The following FBXO11 variants were observed in gnomAD, a reference collection of about 807,000 sequenced individuals.
FBXO11 encodes the protein F-box protein 11, also known as F-box only protein 11.
A neutral mutation model predicts 117.0 loss-of-function variants in FBXO11; 13 were observed. That is an observed-to-expected ratio of 0.11 (90% CI 0.07 to 0.18). The LOEUF (loss-of-function observed/expected upper bound fraction) is 0.18. Among genes scored for constraint, FBXO11 ranks in the 10% least tolerant of loss-of-function variants. FBXO11 has a pLI of 1.00. For missense variants in FBXO11, 767 were observed against 1,164.4 expected (o/e 0.66, Z 4.97); for synonymous variants, 490 against 380.5 (o/e 1.29, Z -3.35).
At chr2:47,875,294 G>C (rs1675916979) in intron 1 of FBXO11, among the ~76,000 whole-genome samples, 1 of 152,074 alleles carries the variant, frequency 6.6e-6, no homozygotes, top group African/African-American at 2.4e-5. Context: ...GTCACATGTG[G>C]CAAGTGGCTA....
intron 1 of FBXO11, among the ~76,000 whole-genome samples, chr2:47,854,501 A>T (rs950951359): frequency 2.6e-5 from 4 of 151,914 alleles, no homozygotes; most frequent in African/African-American, 7.2e-5. Context: ...GAATAAAATA[A>T]AAATAAATAA....
At chr2:47,891,229 T>C (rs1677239749) in intron 1 of FBXO11, among the ~76,000 whole-genome samples, 1 of 152,188 alleles carries the variant, frequency 6.6e-6, no homozygotes, top group Admixed American at 6.6e-5. Context: ...TGGCGGAACT[T>C]ATTCATCCTG....
intron 1 of FBXO11, among the ~76,000 whole-genome samples, chr2:47,867,745 CATT>C (rs1299935603): frequency 6.6e-6 from 1 of 152,136 alleles, no homozygotes; most frequent in Admixed American, 6.6e-5. Flanking sequence ...AACTGACACA[CATT>C]ATCTGCATAT....
chr2:47,901,560 C>G (rs976111489), intron 1 of FBXO11, among the ~76,000 whole-genome samples: 5 of 152,052 alleles, frequency 3.3e-5, no homozygotes, highest in Admixed American at 1.3e-4. Flanking sequence ...GAATTTTAAA[C>G]TGTGGCAATA....
intron 4 of FBXO11, among the ~76,000 whole-genome samples, chr2:47,838,504 A>T (rs1000228757): frequency 6.7e-6 from 1 of 148,424 alleles, no homozygotes; most frequent in Non-Finnish European, 1.5e-5. Flanking sequence ...TCATGAATAC[A>T]ACTGTTTTCC....
intron 16 of FBXO11, among the ~76,000 whole-genome samples, chr2:47,816,835 T>C (rs80136244): frequency 0.056 from 8,500 of 152,256 alleles, 252 homozygotes; most frequent in Non-Finnish European, 0.069. Flanking sequence ...TCATGTGCTA[T>C]CATCCATGAT....
chr2:47,882,868 C>G (rs1407628608), intron 1 of FBXO11, among the ~76,000 whole-genome samples: 2 of 152,152 alleles, frequency 1.3e-5, no homozygotes, highest in Admixed American at 1.3e-4. Context: ...AGGCTGGTCT[C>G]AAACTCCTGA....
intron 1 of FBXO11, among the ~76,000 whole-genome samples, chr2:47,891,416 A>G (rs907814335): frequency 1.3e-5 from 2 of 152,228 alleles, no homozygotes; most frequent in Admixed American, 6.5e-5. Flanking sequence ...CATTTAGCAT[A>G]ATGTCCTCAA....
intron 1 of FBXO11, among the ~76,000 whole-genome samples, chr2:47,874,195 T>C (rs368713054): frequency 3.5e-4 from 54 of 152,224 alleles, no homozygotes; most frequent in African/African-American, 5.5e-4. Flanking sequence ...GTCCGGACGA[T>C]AGTGCGAGAC....
chr2:47,887,694 T>C (rs1676966965), intron 1 of FBXO11, among the ~76,000 whole-genome samples: 1 of 151,822 alleles, frequency 6.6e-6, no homozygotes, highest in African/African-American at 2.4e-5. Flanking sequence ...AATCTCGTCT[T>C]TACAAAAAAT....
intron 11 of FBXO11, among the ~76,000 whole-genome samples, chr2:47,825,272 AC>A (rs1406574793): frequency 5.3e-5 from 8 of 152,196 alleles, no homozygotes; most frequent in Non-Finnish European, 7.4e-5. Flanking sequence ...TTGGATTATA[AC>A]CTTATTCTTT....
chr2:47,827,023 T>C (rs747790034), intron 11 of FBXO11, among the ~76,000 whole-genome samples: 51 of 152,240 alleles, frequency 3.3e-4, no homozygotes, highest in Admixed American at 2.6e-3. Context: ...ATTTACCACA[T>C]TGTATTAATA....
rs771490235 is a variant in FBXO11, at chr2:47,832,788, G to T, written c.1134C>A (p.Ile378=). The T allele has an allele frequency of 3.1e-6, 5 of 1,612,872 alleles. No homozygotes were observed. Among genetic ancestry groups the T allele is most frequent in the Admixed American group, 3.3e-5 (2 of 60,016 alleles). Residue 378 remains isoleucine (I), a synonymous_variant, in exon 9 of 23, where the codon ATC becomes ATA. Transcript: ENST00000403359. ...VNCSPIIDHC[I]IRSTCTVGSA... The stretch of plus-strand genomic sequence containing the variant: ...ACTAACCTGTACATGTACTTCGGAT[G>T]ATACAGTGATCAATAATAGGGCTAC...
intron 1 of FBXO11, among the ~76,000 whole-genome samples, chr2:47,863,766 C>A (rs947042804): frequency 2.6e-5 from 4 of 152,066 alleles, no homozygotes; most frequent in Non-Finnish European, 5.9e-5. Context: ...CAGGGTGGAA[C>A]CACATATCTA....
At chr2:47,887,525 C>G (rs995074425) in intron 1 of FBXO11, among the ~76,000 whole-genome samples, 3 of 151,896 alleles carry the variant, frequency 2.0e-5, no homozygotes, top group East Asian at 1.9e-4. Flanking sequence ...GTGAAGAGTT[C>G]AAGACCAACC....
At chr2:47,865,177 G>C (rs978009552) in intron 1 of FBXO11, among the ~76,000 whole-genome samples, 1 of 152,170 alleles carries the variant, frequency 6.6e-6, no homozygotes, top group Non-Finnish European at 1.5e-5. Context: ...TTGTATCTTT[G>C]TGACAGAAAC....
chr2:47,860,548 C>G (rs1674682828), intron 1 of FBXO11, among the ~76,000 whole-genome samples: 1 of 151,612 alleles, frequency 6.6e-6, no homozygotes, highest in South Asian at 2.1e-4. Context: ...GTAGCTGGGA[C>G]TACAGGTGCA....
intron 1 of FBXO11, among the ~76,000 whole-genome samples, chr2:47,886,789 T>C (rs1271195278): frequency 6.6e-6 from 1 of 152,156 alleles, no homozygotes; most frequent in Non-Finnish European, 1.5e-5. Flanking sequence ...ACGGTTTGTT[T>C]TTAATGAAAA....
intron 14 of FBXO11, among the ~76,000 whole-genome samples, 200 bp from the exon 15 acceptor site, chr2:47,819,278 G>T (rs1183048132): frequency 6.6e-6 from 1 of 152,092 alleles, no homozygotes; most frequent in African/African-American, 2.4e-5. Context: ...GTACAGTGGC[G>T]CGATCTTGGC....
Sources: gnomAD v4.1 joint callset for allele counts (sites outside exome capture counted in the v4.1 genomes callset) on GRCh38, gnomAD v4.1.1 for gene constraint, MANE v1.5 for transcripts, NCBI Gene and HGNC (gene_info 2026-07-23, HGNC 2026-07-21) for gene names.